Variants in PDZD2 observed in about 807,000 individuals in gnomAD.
The protein encoded by PDZD2 is PDZ domain-containing protein 2.
Under a neutral mutation model 220.7 loss-of-function variants are expected in PDZD2, and 90 were observed. That is an observed-to-expected ratio of 0.41 (90% CI 0.34 to 0.49). PDZD2 has a LOEUF of 0.49. PDZD2 is among the 20% of genes least tolerant of loss of function. PDZD2 has a pLI of 0.28. For missense variants in PDZD2, 3,174 were observed against 3,608.5 expected, an observed-to-expected ratio of 0.88 and a Z score of 3.08; for synonymous variants, 1,375 against 1,450.5, an observed-to-expected ratio of 0.95 and a Z score of 1.18.
In PDZD2 at chr5:31,799,264, G is replaced by A. The variant is rs116598198; in HGVS notation, c.16G>A (p.Asp6Asn). 22,330 of 1,604,040 alleles carry A rather than the reference G, an allele frequency of 0.014. 211 individuals carry two copies. Among genetic ancestry groups the A allele is most frequent in the Non-Finnish European group, 0.017 (19,825 of 1,174,586 alleles). Reference protein sequence around the residue: MPITQDNAVLHLPLLY... With the variant: MPITQNNAVLHLPLLY... ...AGTGAGCACCATGCCCATCACCCAG[G>A]ACAATGCCGTGCTGCACCTGCCCCT... Residue 6 changes from aspartate (D) to asparagine (N), a missense_variant, in exon 2 of 25, where the codon GAC becomes AAC. Physicochemically the swap from Asp to Asn is conservative, Grantham distance 23 (BLOSUM62 1). Transcript: ENST00000438447.
chr5:31,767,212 C>T lies in PDZD2; in HGVS notation c.-360-31677C>T, dbSNP rs545896539. 3.7e-3 allele frequency among the ~76,000 whole-genome samples: 551 copies of T among 150,640 alleles called. 1 individual carries two copies. Among genetic ancestry groups the T allele is most frequent in the Middle Eastern group, 0.01 (3 of 286 alleles). ...ATGCCCAGCTAATTTTTGTATTTTT[C>T]GTAGAGACGGGGTTTCACCCTGTTG... On this transcript the variant is annotated intron_variant, in intron 1 of 24. Transcript: ENST00000438447.
intron 1 of PDZD2, among the ~76,000 whole-genome samples, chr5:31,681,593 T>C (rs1561380703): frequency 6.6e-6 from 1 of 151,742 alleles, no homozygotes; most frequent in Admixed American, 6.6e-5. Context: ...TAATATAATA[T>C]ATATAATATG....
chr5:31,657,612 G>GA (rs906676024), intron 1 of PDZD2, among the ~76,000 whole-genome samples: 9 of 152,230 alleles, frequency 5.9e-5, no homozygotes, highest in East Asian at 5.8e-4. Context: ...ACTTGAATCT[G>GA]AAAAAAACCA....
In PDZD2 at chr5:31,651,227, C is replaced by G. The variant is rs190621645; in HGVS notation, c.-361+11790C>G. 3.9e-5 allele frequency among the ~76,000 whole-genome samples: 6 copies of G among 151,992 alleles called. No individual in the cohort carries two copies. The East Asian group carries it at 1.2e-3, about 29-fold the overall frequency. On this transcript the variant is annotated intron_variant, in intron 1 of 24. Coordinates refer to ENST00000438447, the MANE Select transcript of PDZD2 (RefSeq NM_178140.4). ...GTTGGGCTTTTATTCATAGAAAGGT[C>G]TATAGTGGCTAATTTTTAGTGTATC...
At chr5:31,658,186 GCCCCAGTCA>G (rs1203839371) in intron 1 of PDZD2, among the ~76,000 whole-genome samples, 2 of 152,198 alleles carry the variant, frequency 1.3e-5, no homozygotes, top group East Asian at 3.9e-4. Flanking sequence ...AGTCTTCAGG[GCCCCAGTCA>G]CCCCAGGGTC....
intron 2 of PDZD2, among the ~76,000 whole-genome samples, chr5:31,967,038 TG>T (rs1748823494): frequency 6.6e-6 from 1 of 152,218 alleles, no homozygotes; most frequent in South Asian, 2.1e-4. Context: ...GTTTCAAAAT[TG>T]TGAAGTAAAT....
chr5:31,929,716 G>T (rs1020016272), intron 2 of PDZD2, among the ~76,000 whole-genome samples: 9 of 150,530 alleles, frequency 6.0e-5, no homozygotes, highest in Non-Finnish European at 8.8e-5. Flanking sequence ...GCCGGGTGTG[G>T]TGCTGGACAT....
chr5:31,795,681 G>T (rs953953049), intron 1 of PDZD2, among the ~76,000 whole-genome samples: 2 of 152,144 alleles, frequency 1.3e-5, no homozygotes, highest in African/African-American at 2.4e-5. Context: ...GTGTTTTATT[G>T]GATCTTGTGG....
intron 1 of PDZD2, among the ~76,000 whole-genome samples, chr5:31,643,101 G>A (rs752375049): frequency 2.6e-5 from 4 of 152,182 alleles, no homozygotes; most frequent in Non-Finnish European, 5.9e-5. Flanking sequence ...ATCGAAAGAG[G>A]TACTAAGGTG....
intron 5 of PDZD2, among the ~76,000 whole-genome samples, chr5:32,002,947 A>ACCT: frequency 2.0e-5 from 2 of 102,442 alleles, no homozygotes; most frequent in Non-Finnish European, 3.9e-5. Context: ...CCACGAACAC[A>ACCT]CACACACCAC....
intron 2 of PDZD2, among the ~76,000 whole-genome samples, chr5:31,830,526 A>G (rs902738323): frequency 6.6e-6 from 1 of 151,794 alleles, no homozygotes; most frequent in Non-Finnish European, 1.5e-5. Context: ...TTCAACTTTT[A>G]AAAAATTATG....
At chr5:31,763,354 T>C (rs1751769617) in intron 1 of PDZD2, among the ~76,000 whole-genome samples, 2 of 152,156 alleles carry the variant, frequency 1.3e-5, no homozygotes, top group South Asian at 4.1e-4. Flanking sequence ...GCACACTGTC[T>C]ACCTCAGCCA....
rs572658058 is a variant in PDZD2 at position 31,706,531 on chromosome 5, G to T, written c.-361+67094G>T. 2.0e-5 allele frequency among the ~76,000 whole-genome samples: 3 copies of T among 152,154 alleles called. No individual in the cohort carries two copies. In the South Asian group the frequency reaches 6.2e-4, roughly 32 times the overall value. On this transcript the variant is annotated intron_variant, in intron 1 of 24. Coordinates refer to ENST00000438447, the MANE Select transcript of PDZD2 (RefSeq NM_178140.4). ...GAGCACGGTGAGCAGCTACCAGAGA[G>T]AGCCTGGGCAGAGTTATTTAAAAGC...
chr5:31,842,847 T>C (rs1757389623), intron 2 of PDZD2, among the ~76,000 whole-genome samples: 1 of 152,160 alleles, frequency 6.6e-6, no homozygotes, highest in Admixed American at 6.6e-5. Flanking sequence ...TTTGTTTTTT[T>C]ACCACCCATG....
chr5:31,695,708 C>G (rs1747350803), intron 1 of PDZD2, among the ~76,000 whole-genome samples: 2 of 152,212 alleles, frequency 1.3e-5, no homozygotes. Flanking sequence ...CCATGAACCC[C>G]CAGGCAGGGG....
intron 2 of PDZD2, chr5:31,855,113 G>T: frequency 1.0e-6 from 1 of 985,472 alleles, no homozygotes. Flanking sequence ...TGCTGCCGGC[G>T]GAGACTCCCA....
At chr5:31,730,999 G>A (rs1749503520) in intron 1 of PDZD2, among the ~76,000 whole-genome samples, 2 of 152,136 alleles carry the variant, frequency 1.3e-5, no homozygotes, top group Non-Finnish European at 2.9e-5. Context: ...TCTAGTTAAA[G>A]CGAAAATACT....
chr5:31,985,816 C>T (rs1418182132), intron 3 of PDZD2, among the ~76,000 whole-genome samples: 3 of 151,754 alleles, frequency 2.0e-5, no homozygotes, highest in South Asian at 2.1e-4. Context: ...CAGTGGCTCA[C>T]GCCTGTAATC....
At chr5:31,845,850 T>G (rs114009097) in intron 2 of PDZD2, among the ~76,000 whole-genome samples, 2,182 of 152,328 alleles carry the variant, frequency 0.014, 44 homozygotes, top group African/African-American at 0.05. Flanking sequence ...ATCCTGTATG[T>G]GTTCAATACA....
Sources: gnomAD v4.1 joint callset for allele counts (sites outside exome capture counted in the v4.1 genomes callset) on GRCh38, gnomAD v4.1.1 for gene constraint, MANE v1.5 for transcripts, NCBI Gene and HGNC (gene_info 2026-07-23, HGNC 2026-07-21) for gene names.